The following GRIA2 variants were observed in gnomAD, a reference collection of about 807,000 sequenced individuals.
The protein encoded by GRIA2 is glutamate receptor 2.
Under a neutral mutation model 97.3 loss-of-function variants are expected in GRIA2, and 14 were observed. That is an observed-to-expected ratio of 0.14 (90% CI 0.10 to 0.23). The LOEUF (loss-of-function observed/expected upper bound fraction) is 0.23. Ranked by LOEUF, GRIA2 falls within the 10% of genes least tolerant of loss-of-function variation. GRIA2 has a pLI of 1.00. For synonymous variants in GRIA2, 412 were observed against 387.8 expected, an observed-to-expected ratio of 1.06 and a Z score of -0.73; for missense variants, 558 against 1,069.8, an observed-to-expected ratio of 0.52 and a Z score of 6.67.
intron 2 of GRIA2, among the ~76,000 whole-genome samples, chr4:157,266,827 A>G (rs1027581829): frequency 6.6e-6 from 1 of 151,790 alleles, no homozygotes; most frequent in African/African-American, 2.4e-5. Flanking sequence ...AGAACTTTGA[A>G]GTTGGCGGAT....
intron 2 of GRIA2, among the ~76,000 whole-genome samples, chr4:157,242,855 T>C (rs1262678678): frequency 6.6e-6 from 1 of 152,082 alleles, no homozygotes; most frequent in African/African-American, 2.4e-5. Flanking sequence ...TGGCCAACAG[T>C]ACTATAATTC....
intron 12 of GRIA2, among the ~76,000 whole-genome samples, chr4:157,350,038 G>A (rs973669896): frequency 3.7e-4 from 57 of 152,084 alleles, no homozygotes; most frequent in African/African-American, 1.3e-3. Flanking sequence ...TTATGAATTC[G>A]TTAAGAGTCA....
Position 157,273,667 on chromosome 4 carries a change from A to G in GRIA2, c.230-29885A>G, listed in dbSNP as rs560051330. ...TGAACTTAAGGTTATGTCAACAGAC[A>G]CTTTCAAAACTAAAAAACAGAGAGA... is the stretch of plus-strand genomic sequence containing the variant. On this transcript the variant is annotated intron_variant, in intron 2 of 15. Coordinates refer to ENST00000264426, the MANE Select transcript of GRIA2 (RefSeq NM_001083619.3). Among the ~76,000 whole-genome samples the G allele has an allele frequency of 5.9e-5, 9 of 152,222 alleles. No individual in the cohort carries two copies. The South Asian group carries it at 1.9e-3, about 32-fold the overall frequency.
chr4:157,321,112 G>C (rs985771911), intron 5 of GRIA2, among the ~76,000 whole-genome samples: 3 of 152,086 alleles, frequency 2.0e-5, no homozygotes, highest in African/African-American at 7.2e-5. Context: ...CTCCGCTGTA[G>C]ACCAAGTAAG....
At chr4:157,239,049 A>G (rs763321606) in intron 2 of GRIA2, among the ~76,000 whole-genome samples, 8 of 152,148 alleles carry the variant, frequency 5.3e-5, no homozygotes, top group Non-Finnish European at 1.2e-4. Flanking sequence ...ATTCAAGATG[A>G]CTATGACAGA....
intron 12 of GRIA2, among the ~76,000 whole-genome samples, chr4:157,355,060 G>A (rs1431990473): frequency 2.0e-5 from 3 of 152,108 alleles, no homozygotes; most frequent in Non-Finnish European, 4.4e-5. Context: ...GATTGACTGA[G>A]AGTTAGATAA....
chr4:157,242,891 T>C (rs4446370), intron 2 of GRIA2, among the ~76,000 whole-genome samples: 152,235 of 152,262 alleles, frequency 1, 76,104 homozygotes, highest in Non-Finnish European at 1. Flanking sequence ...TAATCTAACA[T>C]ACATATTTTC....
upstream of GRIA2, chr4:157,220,415 A>T (rs914784601): frequency 6.6e-6 from 1 of 152,084 alleles, no homozygotes; most frequent in Non-Finnish European, 1.5e-5. Flanking sequence ...TGAAAGGCCG[A>T]GGCGCGCGGT....
rs1360960866 is a variant in GRIA2, at chr4:157,346,327, CATG to C, written c.2043+4868_2043+4870del. Among the ~76,000 whole-genome samples the C allele has an allele frequency of 4.6e-5, 7 of 152,194 alleles. No individual in the cohort carries two copies. In the East Asian group the frequency reaches 1.4e-3, roughly 29 times the overall value. On this transcript the variant is annotated intron_variant, in intron 12 of 15. Transcript: ENST00000264426. ...TTGTTTGTGTTTGGTAATAATACAG[CATG>C]ATTTCTTTATTGCCATGTTATAAAT...
rs570287012 is a variant in GRIA2, at chr4:157,234,666, T to C, written c.229+12859T>C. ...TATTAAACTTGGAACAGGTTCATTGTGACTTCTTCCGTGAGGATCAGTTTT... is the reference window on the plus strand; with the variant it reads ...TATTAAACTTGGAACAGGTTCATTGCGACTTCTTCCGTGAGGATCAGTTTT... On this transcript the variant is annotated intron_variant, in intron 2 of 15. Transcript: ENST00000264426. Among the ~76,000 whole-genome samples the C allele has an allele frequency of 2.3e-4, 35 of 152,310 alleles. 1 individual carries two copies. Among genetic ancestry groups the C allele is most frequent in the Middle Eastern group, 3.4e-3 (1 of 292 alleles).
At chr4:157,355,856 T>TAA in intron 12 of GRIA2, among the ~76,000 whole-genome samples, 1 of 100,722 alleles carries the variant, frequency 9.9e-6, no homozygotes. Flanking sequence ...TATTTATATA[T>TAA]ATGTATATAT....
chr4:157,252,239 C>T (rs1218838887), intron 2 of GRIA2, among the ~76,000 whole-genome samples: 1 of 152,102 alleles, frequency 6.6e-6, no homozygotes, highest in African/African-American at 2.4e-5. Flanking sequence ...TGGAAGTCCA[C>T]ATGATCATAT....
Position 157,336,503 on chromosome 4 carries a change from G to A in GRIA2, c.1600G>A (p.Gly534Arg). The A allele has an allele frequency of 6.2e-7, 1 of 1,613,410 alleles. No individual in the cohort carries two copies. Residue 534 changes from glycine to arginine, a missense_variant, in exon 11 of 16, where the codon GGA (glycine) becomes AGA (arginine). Around this residue, in one of 8 missense-constraint regions of GRIA2, gnomAD observed 3 missense variants for 45.8 expected, o/e 0.07. Transcript: ENST00000264426. ...CAAGAAGCCTCAGAAGTCCAAACCAGGAGTGTTTTCCTTTCTTGATCCTTT... is the reference window on the plus strand; with the variant it reads ...CAAGAAGCCTCAGAAGTCCAAACCAAGAGTGTTTTCCTTTCTTGATCCTTT... ...MIKKPQKSKP[G>R]VFSFLDPLAY...
intron 12 of GRIA2, among the ~76,000 whole-genome samples, chr4:157,346,077 CTA>C (rs1194000142): frequency 6.6e-6 from 1 of 151,992 alleles, no homozygotes; most frequent in Non-Finnish European, 1.5e-5. Context: ...ACATTGTCTA[CTA>C]TATAATCAAT....
chr4:157,283,675 A>T (rs1488539016), intron 2 of GRIA2, among the ~76,000 whole-genome samples: 3 of 151,888 alleles, frequency 2.0e-5, no homozygotes, highest in Admixed American at 1.3e-4. Context: ...AATATTTGCA[A>T]TTCTGTAATC....
chr4:157,264,353 G>A (rs1731675611), intron 2 of GRIA2, among the ~76,000 whole-genome samples: 1 of 151,966 alleles, frequency 6.6e-6, no homozygotes, highest in African/African-American at 2.4e-5. Flanking sequence ...CAACTTCTAG[G>A]GGTCACTTGC....
chr4:157,350,931 C>CTTTTTTTTTTTT (rs1240937135), intron 12 of GRIA2, among the ~76,000 whole-genome samples: 19 of 117,498 alleles, frequency 1.6e-4, no homozygotes, highest in South Asian at 2.7e-4. Context: ...TTAGTTTTTT[C>CTTTTTTTTTTTT]TTTTTTTTTT....
chr4:157,258,897 G>T (rs552245133), intron 2 of GRIA2, among the ~76,000 whole-genome samples: 1 of 152,066 alleles, frequency 6.6e-6, no homozygotes, highest in Non-Finnish European at 1.5e-5. Context: ...AAGGCAGAAA[G>T]AAACAGAAAA....
intron 2 of GRIA2, among the ~76,000 whole-genome samples, chr4:157,228,155 C>T (rs1729832987): frequency 3.3e-5 from 5 of 152,182 alleles, no homozygotes; most frequent in Admixed American, 2.6e-4. Flanking sequence ...CGAAGTCTAG[C>T]TCAGTTCCCA....
Sources: allele counts gnomAD v4.1 joint callset (sites outside exome capture counted in the v4.1 genomes callset), GRCh38; gene constraint gnomAD v4.1.1; regional missense constraint gnomAD v4.1.1; transcripts MANE v1.5; gene names NCBI Gene and HGNC (gene_info 2026-07-23, HGNC 2026-07-21).